Variants in ACER2 observed in about 807,000 individuals in gnomAD.
ACER2 encodes alkCDase 2.
In ACER2, 26 loss-of-function variants were observed where a neutral mutation model predicts 34.7. The ratio of observed to expected loss-of-function variants is 0.75; its 90% confidence interval spans 0.55 to 1.04. ACER2 has a LOEUF of 1.04. Ranked by LOEUF, ACER2 falls within the 50% of genes least tolerant of loss-of-function variation. The pLI is 0.00. For synonymous variants in ACER2, 138 were observed against 132.1 expected (o/e 1.04, Z -0.31); for missense variants, 352 against 340.8 (o/e 1.03, Z -0.26).
intron 3 of ACER2, among the ~76,000 whole-genome samples, chr9:19,429,740 A>G (rs1830690871): frequency 6.6e-6 from 1 of 152,180 alleles, no homozygotes; most frequent in Non-Finnish European, 1.5e-5. Context: ...GCAGTCTGGG[A>G]TCTGCCCGCC....
chr9:19,424,940 T>A (rs1830515131), intron 3 of ACER2, 99 bp downstream of exon 3: 17 of 1,440,468 alleles, frequency 1.2e-5, no homozygotes, highest in Non-Finnish European at 1.6e-5. Flanking sequence ...GAACTCAGCC[T>A]AGTGATGAGC....
At chr9:19,414,496 T>C (rs75061043) in intron 1 of ACER2, among the ~76,000 whole-genome samples, 4,572 of 152,212 alleles carry the variant, frequency 0.03, 236 homozygotes, top group African/African-American at 0.1. Context: ...ATTTTAAAAA[T>C]TGTGGGCTAG....
At chr9:19,425,332 C>G (rs918230392) in intron 3 of ACER2, among the ~76,000 whole-genome samples, 1 of 152,128 alleles carries the variant, frequency 6.6e-6, no homozygotes, top group Admixed American at 6.5e-5. Flanking sequence ...CGTGCGTGCG[C>G]GTGCACACAC....
chr9:19,411,093 A>G (rs932992530), intron 1 of ACER2, among the ~76,000 whole-genome samples: 1 of 152,174 alleles, frequency 6.6e-6, no homozygotes, highest in African/African-American at 2.4e-5. Flanking sequence ...ATAGGGCTGG[A>G]TGAAAGGGAG....
At chr9:19,414,152 C>T (rs903456176) in intron 1 of ACER2, among the ~76,000 whole-genome samples, 4 of 152,144 alleles carry the variant, frequency 2.6e-5, no homozygotes, top group East Asian at 1.9e-4. Context: ...TAAAACTGAA[C>T]GTCCCATGCC....
chr9:19,440,687 A>T (rs1220543293), intron 4 of ACER2, among the ~76,000 whole-genome samples: 1 of 152,188 alleles, frequency 6.6e-6, no homozygotes, highest in East Asian at 1.9e-4. Context: ...ATGGATTAAG[A>T]CACTGTTTTT....
chr9:19,445,759 T>C (rs1448897583), intron 4 of ACER2, among the ~76,000 whole-genome samples: 1 of 152,118 alleles, frequency 6.6e-6, no homozygotes, highest in Non-Finnish European at 1.5e-5. Flanking sequence ...TCCGGGGCCT[T>C]GTGGCCACTG....
At chr9:19,440,167 A>G (rs369973232) in intron 4 of ACER2, among the ~76,000 whole-genome samples, 6 of 152,132 alleles carry the variant, frequency 3.9e-5, no homozygotes, top group African/African-American at 1.4e-4. Context: ...TCTCCTCACC[A>G]TGCTTGAAAT....
At chr9:19,419,822 C>T (rs1312236011) in intron 1 of ACER2, among the ~76,000 whole-genome samples, 1 of 152,144 alleles carries the variant, frequency 6.6e-6, no homozygotes, top group East Asian at 1.9e-4. Flanking sequence ...ACCCCTTTCT[C>T]CATAATGATA....
At chr9:19,420,444 A>G (rs548298724) in intron 1 of ACER2, among the ~76,000 whole-genome samples, 6 of 152,298 alleles carry the variant, frequency 3.9e-5, no homozygotes, top group South Asian at 2.1e-4. Context: ...TCACTCCACA[A>G]TTAGAGATGA....
At chr9:19,426,661 T>C (rs1830581903) in intron 3 of ACER2, among the ~76,000 whole-genome samples, 2 of 152,120 alleles carry the variant, frequency 1.3e-5, no homozygotes, top group Non-Finnish European at 1.5e-5. Flanking sequence ...TAGAAAACCT[T>C]TTTTTTCTTT....
intron 1 of ACER2, among the ~76,000 whole-genome samples, chr9:19,414,506 G>C (rs1194297570): frequency 1.3e-5 from 2 of 152,196 alleles, no homozygotes; most frequent in Non-Finnish European, 2.9e-5. Flanking sequence ...TTGTGGGCTA[G>C]GCGCAGTGGC....
intron 3 of ACER2, among the ~76,000 whole-genome samples, chr9:19,427,285 A>G (rs747525546): frequency 3.3e-5 from 5 of 152,232 alleles, no homozygotes; most frequent in Admixed American, 2.0e-4. Context: ...CATTTCTGAG[A>G]TATGCATACA....
intron 4 of ACER2, among the ~76,000 whole-genome samples, chr9:19,441,453 G>T (rs1821657258): frequency 6.6e-6 from 1 of 152,110 alleles, no homozygotes; most frequent in African/African-American, 2.4e-5. Context: ...CCCACAAGAA[G>T]CTCCTCTGCC....
Position 19,409,099 on chromosome 9 carries a change from C to G in ACER2, c.15C>G (p.His5Gln), listed in dbSNP as rs1319009472. The part of the protein sequence containing the change: MGAP[H>Q]WWDQLQAGSS... ...CCGGAGTGGCCATGGGCGCCCCGCA[C>G]TGGTGGGACCAGCTGCAGGCTGGTA... Residue 5 changes from histidine to glutamine, a missense_variant, in exon 1 of 6, where the codon CAC becomes CAG. Physicochemically the swap from His to Gln is conservative, Grantham distance 24 (BLOSUM62 0). Transcript: ENST00000340967. The G allele has an allele frequency of 6.3e-7, 1 of 1,596,876 alleles. No homozygotes were observed. The highest frequency in any genetic ancestry group is 1.7e-5 in the Admixed American group (1 of 57,566).
intron 1 of ACER2, among the ~76,000 whole-genome samples, chr9:19,416,206 A>T (rs1477315629): frequency 6.6e-6 from 1 of 151,884 alleles, no homozygotes; most frequent in Non-Finnish European, 1.5e-5. Context: ...CTCCCCATTC[A>T]TCTCCTTTTC....
intron 1 of ACER2, among the ~76,000 whole-genome samples, chr9:19,421,994 G>A (rs1265433681): frequency 6.6e-6 from 1 of 151,942 alleles, no homozygotes; most frequent in Non-Finnish European, 1.5e-5. Context: ...ACAAAATAAT[G>A]TAAACTAGGC....
Position 19,409,154 on chromosome 9 carries a change from T to C in ACER2, c.70T>C (p.Tyr24His). Reference sequence around the variant, plus strand: ...GGAGGTGGACTGGTGCGAGGACAACTACACCATCGTGCCTGCTATCGCCGA... The same window carrying C: ...GGAGGTGGACTGGTGCGAGGACAACCACACCATCGTGCCTGCTATCGCCGA... ...SSEVDWCEDN[Y>H]TIVPAIAEFY... The change falls in exon 1 of 6, where the codon TAC becomes CAC. Residue 24 changes from tyrosine to histidine, a missense_variant. Physicochemically the swap from Tyr to His is moderately conservative, Grantham distance 83. Transcript: ENST00000340967. 1.9e-6 allele frequency: 3 copies of C among 1,606,652 alleles called. No homozygotes were observed. The highest frequency in any genetic ancestry group is 2.5e-6 in the Non-Finnish European group (3 of 1,177,076).
chr9:19,450,525 T>A lies in ACER2; in HGVS notation c.717T>A (p.Pro239=), dbSNP rs1295505616. 1.1e-5 allele frequency: 18 copies of A among 1,612,512 alleles called. No homozygotes were observed. The highest frequency in any genetic ancestry group is 1.4e-5 in the Non-Finnish European group (16 of 1,178,814). Residue 239 remains proline, a synonymous_variant, in exon 6 of 6, where the codon CCT becomes CCA. Transcript: ENST00000340967. ...FAYFDAASEI[P]EQGPVIKFWP... ...ACTTTGATGCTGCCTCAGAGATTCC[T>A]GAGCAAGGCCCTGTCATCAAGTTCT...
Sources: allele counts gnomAD v4.1 joint callset (sites outside exome capture counted in the v4.1 genomes callset), GRCh38; gene constraint gnomAD v4.1.1; transcripts MANE v1.5; gene names NCBI Gene and HGNC (gene_info 2026-07-23, HGNC 2026-07-21).